The following CNTN1 variants were observed in gnomAD, a reference collection of about 807,000 sequenced individuals.
CNTN1 encodes contactin 1.
CNTN1 carries 38 observed loss-of-function variants against 126.4 expected under a neutral mutation model. That is an observed-to-expected ratio of 0.30 (90% CI 0.23 to 0.39). The LOEUF (loss-of-function observed/expected upper bound fraction) is 0.39, where lower values mean the gene tolerates loss of function less well. CNTN1 is among the 10% of genes least tolerant of loss of function. The pLI is 1.00. For missense variants in CNTN1, 1,009 were observed against 1,248.4 expected (o/e 0.81, Z 2.89); for synonymous variants, 413 against 422.6 (o/e 0.98, Z 0.28).
chr12:40,871,363 G>A (rs1238734933), intron 1 of CNTN1, among the ~76,000 whole-genome samples: 1 of 152,084 alleles, frequency 6.6e-6, no homozygotes, highest in Non-Finnish European at 1.5e-5. Context: ...TCTAGGGAGA[G>A]GAGAAGTATG....
chr12:40,992,820 G>A (rs1272178206), intron 16 of CNTN1, among the ~76,000 whole-genome samples: 3 of 152,112 alleles, frequency 2.0e-5, no homozygotes, highest in Non-Finnish European at 4.4e-5. Context: ...TATTCAAGGT[G>A]CAGCTCATGG....
intron 14 of CNTN1, among the ~76,000 whole-genome samples, chr12:40,954,364 ATATTT>A (rs1425575878): frequency 2.6e-5 from 4 of 151,936 alleles, no homozygotes; most frequent in African/African-American, 9.7e-5. Flanking sequence ...TAATTATTTT[ATATTT>A]TATTTTTCCT....
chr12:40,724,001 G>T lies in CNTN1; in HGVS notation c.-77+31409G>T, dbSNP rs1239759765. ...CAGAGAGAGTTACAAATTATATTCT[G>T]CCTTGGTATAAAGACTGGATTCATT... On this transcript the variant is annotated intron_variant, in intron 1 of 23. Transcript: ENST00000551295. 6.6e-5 allele frequency among the ~76,000 whole-genome samples: 10 copies of T among 152,064 alleles called. No homozygotes were observed. The East Asian group carries it at 1.2e-3, about 18-fold the overall frequency.
chr12:41,011,608 AGTG>A (rs1403636063), intron 17 of CNTN1, among the ~76,000 whole-genome samples: 3 of 152,190 alleles, frequency 2.0e-5, no homozygotes, highest in Non-Finnish European at 4.4e-5. Context: ...AGAGGAACTA[AGTG>A]GTGGGTTTTA....
intron 1 of CNTN1, among the ~76,000 whole-genome samples, chr12:40,766,114 T>C (rs922777113): frequency 7.2e-5 from 11 of 152,122 alleles, no homozygotes; most frequent in African/African-American, 2.4e-4. Flanking sequence ...TCCCAGCACT[T>C]TGGGAGGCCG....
chr12:41,036,738 C>A (rs2120913413), intron 23 of CNTN1, among the ~76,000 whole-genome samples: 1 of 152,116 alleles, frequency 6.6e-6, no homozygotes, highest in East Asian at 1.9e-4. Flanking sequence ...TAATGGATAT[C>A]TTTGTATATA....
At chr12:41,039,129 C>G (rs1949337403) in intron 23 of CNTN1, among the ~76,000 whole-genome samples, 1 of 152,068 alleles carries the variant, frequency 6.6e-6, no homozygotes, top group Non-Finnish European at 1.5e-5. Flanking sequence ...TGATGAGAAG[C>G]CATTGAACCA....
chr12:40,745,023 G>C (rs926965168), intron 1 of CNTN1, among the ~76,000 whole-genome samples: 1 of 151,982 alleles, frequency 6.6e-6, no homozygotes, highest in Admixed American at 6.6e-5. Flanking sequence ...TATTTGATGC[G>C]ATCCATATTG....
intron 20 of CNTN1, among the ~76,000 whole-genome samples, chr12:41,023,297 G>A (rs926847220): frequency 2.0e-5 from 3 of 152,192 alleles, no homozygotes; most frequent in Non-Finnish European, 4.4e-5. Flanking sequence ...CATTTCAAAT[G>A]AGAATTGTGA....
chr12:41,028,005 C>A (rs950990868), intron 22 of CNTN1, 36 bp downstream of exon 22: 4 of 1,423,080 alleles, frequency 2.8e-6, no homozygotes, highest in Non-Finnish European at 3.0e-6. Context: ...GTTTGCAATT[C>A]TTGCTATTTC....
chr12:41,059,822 C>T (rs1226795108), intron 23 of CNTN1, among the ~76,000 whole-genome samples: 1 of 151,966 alleles, frequency 6.6e-6, no homozygotes, highest in Non-Finnish European at 1.5e-5. Context: ...TCCAGGAGTT[C>T]CAGACCAGCC....
At chr12:40,728,725 A>G (rs1942420182) in intron 1 of CNTN1, 3 of 152,188 alleles carry the variant, frequency 2.0e-5, no homozygotes, top group African/African-American at 7.2e-5. Context: ...AGAAAATAAC[A>G]GAGATTAAAA....
intron 1 of CNTN1, among the ~76,000 whole-genome samples, chr12:40,733,760 C>T (rs867728271): frequency 7.1e-4 from 108 of 152,114 alleles, no homozygotes; most frequent in African/African-American, 2.5e-3. Flanking sequence ...CCACACAGCT[C>T]CATTTAATGG....
intron 4 of CNTN1, among the ~76,000 whole-genome samples, chr12:40,920,335 A>G (rs949121522): frequency 7.2e-6 from 1 of 139,402 alleles, no homozygotes; most frequent in Non-Finnish European, 1.6e-5. Flanking sequence ...ATAAAAAGCA[A>G]AGCTTTGCTT....
chr12:41,054,986 G>A (rs1949771324), intron 23 of CNTN1, among the ~76,000 whole-genome samples: 1 of 152,094 alleles, frequency 6.6e-6, no homozygotes, highest in African/African-American at 2.4e-5. Context: ...ATCATTCCAA[G>A]TAGCAAATAT....
At chr12:41,039,863 C>T (rs941954527) in intron 23 of CNTN1, among the ~76,000 whole-genome samples, 2 of 150,870 alleles carry the variant, frequency 1.3e-5, no homozygotes, top group Non-Finnish European at 2.9e-5. Context: ...TGAACAGAGT[C>T]AGTATTATAT....
At chr12:40,871,214 A>C (rs1186735870) in intron 1 of CNTN1, among the ~76,000 whole-genome samples, 2 of 142,978 alleles carry the variant, frequency 1.4e-5, no homozygotes, top group South Asian at 2.2e-4. Flanking sequence ...AAAAAAAAAA[A>C]CAGAAGAAGC....
intron 1 of CNTN1, among the ~76,000 whole-genome samples, chr12:40,846,857 AT>A (rs76529589): frequency 0.33 from 48,643 of 149,408 alleles, 8,273 homozygotes; most frequent in East Asian, 0.55. Flanking sequence ...ATGCCCAGTT[AT>A]TTTTTTTTAT....
intron 20 of CNTN1, among the ~76,000 whole-genome samples, chr12:41,021,431 G>A (rs182590945): frequency 2.2e-4 from 34 of 152,122 alleles, no homozygotes; most frequent in African/African-American, 8.2e-4. Flanking sequence ...ATGAGGGCAG[G>A]GTATTGTTCT....
Sources: allele counts gnomAD v4.1 joint callset (sites outside exome capture counted in the v4.1 genomes callset), GRCh38; gene constraint gnomAD v4.1.1; transcripts MANE v1.5; gene names NCBI Gene and HGNC (gene_info 2026-07-23, HGNC 2026-07-21).